Variants in NOL4 observed in about 807,000 individuals in gnomAD.
NOL4 encodes the protein nucleolar protein 4, also known as cancer/testis antigen 125.
In NOL4, 17 loss-of-function variants were observed where a neutral mutation model predicts 75.9. The observed-to-expected ratio is 0.22, with a 90% CI of 0.15 to 0.34. The LOEUF (loss-of-function observed/expected upper bound fraction) is 0.34, where lower values mean the gene tolerates loss of function less well. Ranked by LOEUF, NOL4 falls within the 10% of genes least tolerant of loss-of-function variation. The pLI, the probability that NOL4 is intolerant of heterozygous loss-of-function variation, is 1.00. For missense variants in NOL4, 614 were observed against 793.5 expected (o/e 0.77, Z 2.72); for synonymous variants, 292 against 289.9 (o/e 1.01, Z -0.07).
chr18:33,922,079 C>G (rs2067075412), intron 9 of NOL4, among the ~76,000 whole-genome samples: 1 of 152,144 alleles, frequency 6.6e-6, no homozygotes, highest in South Asian at 2.1e-4. Flanking sequence ...AGAGGATAAC[C>G]TGTCTGAGAA....
At chr18:33,908,559 T>C (rs2066205915) in intron 9 of NOL4, among the ~76,000 whole-genome samples, 2 of 152,168 alleles carry the variant, frequency 1.3e-5, no homozygotes, top group Admixed American at 1.3e-4. Flanking sequence ...TTAATTCCTA[T>C]GTGTTGAGAT....
intron 10 of NOL4, among the ~76,000 whole-genome samples, chr18:33,870,828 A>T (rs1258801110): frequency 6.6e-6 from 1 of 152,104 alleles, no homozygotes; most frequent in Non-Finnish European, 1.5e-5. Flanking sequence ...TTTTAGATCC[A>T]TTCAGAACAC....
chr18:34,102,088 A>G (rs1225882936), intron 4 of NOL4, among the ~76,000 whole-genome samples: 1 of 152,042 alleles, frequency 6.6e-6, no homozygotes, highest in South Asian at 2.1e-4. Context: ...ACTTCTATTC[A>G]AATGATACAT....
chr18:34,222,025 C>A (rs1271925233), intron 1 of NOL4: 1 of 1,535,234 alleles, frequency 6.5e-7, no homozygotes, highest in Admixed American at 2.0e-5. Flanking sequence ...CCCACCGTGG[C>A]ATGATGCAGA....
At chr18:33,855,077 G>A (rs759646906) in intron 10 of NOL4, among the ~76,000 whole-genome samples, 8 of 151,948 alleles carry the variant, frequency 5.3e-5, no homozygotes, top group Non-Finnish European at 1.2e-4. Context: ...CATTATCTTG[G>A]CTTTTTTCAG....
chr18:33,890,926 G>C (rs1473084757), intron 9 of NOL4, among the ~76,000 whole-genome samples: 4 of 151,962 alleles, frequency 2.6e-5, no homozygotes, highest in Admixed American at 2.6e-4. Context: ...CAGAGTGGGT[G>C]GCTGGAAAGT....
chr18:33,879,928 T>C (rs937674754), intron 10 of NOL4, among the ~76,000 whole-genome samples: 1 of 152,104 alleles, frequency 6.6e-6, no homozygotes, highest in Non-Finnish European at 1.5e-5. Flanking sequence ...ATTTTTTCTA[T>C]TAATATATAC....
chr18:34,220,536 A>G, intron 1 of NOL4, among the ~76,000 whole-genome samples: 1 of 152,216 alleles, frequency 6.6e-6, no homozygotes, highest in Middle Eastern at 3.2e-3. Flanking sequence ...CTACCATCGG[A>G]AAGAAAAATC....
chr18:33,978,270 A>G (rs759067373), intron 6 of NOL4, among the ~76,000 whole-genome samples: 9 of 152,188 alleles, frequency 5.9e-5, no homozygotes, highest in African/African-American at 9.6e-5. Flanking sequence ...AAAGTGACTG[A>G]TACCAGTATA....
intron 1 of NOL4, among the ~76,000 whole-genome samples, chr18:34,130,933 CAAAG>C (rs1220952554): frequency 3.9e-5 from 6 of 151,918 alleles, no homozygotes. Context: ...CAGCAAAGAA[CAAAG>C]AGTTTTCATG....
At chr18:34,079,777 G>T (rs960990601) in intron 5 of NOL4, among the ~76,000 whole-genome samples, 12 of 152,046 alleles carry the variant, frequency 7.9e-5, no homozygotes, top group Admixed American at 5.2e-4. Context: ...CAGACTTTTA[G>T]GTTTTTGCTC....
chr18:34,064,575 T>C (rs1483338880), intron 5 of NOL4, among the ~76,000 whole-genome samples: 1 of 151,998 alleles, frequency 6.6e-6, no homozygotes, highest in Non-Finnish European at 1.5e-5. Flanking sequence ...TAGATTAGCA[T>C]GCATTCCAAG....
chr18:34,117,630 C>CATCT, intron 2 of NOL4, among the ~76,000 whole-genome samples: 1 of 152,112 alleles, frequency 6.6e-6, no homozygotes, highest in South Asian at 2.1e-4. Context: ...ATTAACAGGC[C>CATCT]ATCTGTTCCA....
At chr18:34,175,220 C>T (rs1433503248) in intron 1 of NOL4, among the ~76,000 whole-genome samples, 1 of 152,138 alleles carries the variant, frequency 6.6e-6, no homozygotes. Context: ...AGAATTATCA[C>T]ATTATTTTAC....
intron 10 of NOL4, among the ~76,000 whole-genome samples, chr18:33,866,042 A>T (rs1232670143): frequency 6.6e-6 from 1 of 152,182 alleles, no homozygotes; most frequent in Non-Finnish European, 1.5e-5. Flanking sequence ...AGAAAAGAGA[A>T]CCTTATAGAC....
chr18:34,095,251 ATGTGTGTGTG>A (rs60017439), intron 4 of NOL4, among the ~76,000 whole-genome samples: 1 of 144,408 alleles, frequency 6.9e-6, no homozygotes, highest in African/African-American at 2.6e-5. Flanking sequence ...TCTAATGTGT[ATGTGTGTGTG>A]TGTGTGTGTG....
intron 6 of NOL4, among the ~76,000 whole-genome samples, chr18:33,984,318 T>C (rs1198342888): frequency 2.6e-5 from 4 of 152,074 alleles, no homozygotes; most frequent in Non-Finnish European, 5.9e-5. Flanking sequence ...ATAGACACCA[T>C]ATATATCAGA....
chr18:33,950,532 G>A (rs1253688358), intron 8 of NOL4, among the ~76,000 whole-genome samples: 1 of 152,062 alleles, frequency 6.6e-6, no homozygotes, highest in Non-Finnish European at 1.5e-5. Context: ...CAACTTTCAT[G>A]AGCAGCTACT....
intron 2 of NOL4, among the ~76,000 whole-genome samples, chr18:34,125,426 C>A (rs2080339845): frequency 6.6e-6 from 1 of 152,106 alleles, no homozygotes; most frequent in Admixed American, 6.6e-5. Context: ...CTTTTCCACA[C>A]CATATGGCTG....
Sources: allele counts gnomAD v4.1 joint callset (sites outside exome capture counted in the v4.1 genomes callset), GRCh38; gene constraint gnomAD v4.1.1; transcripts MANE v1.5; gene names NCBI Gene and HGNC (gene_info 2026-07-23, HGNC 2026-07-21).